Variants in G3BP2 observed in about 807,000 individuals in gnomAD.
G3BP2 encodes the protein ras GTPase-activating protein-binding protein 2.
G3BP2 carries 11 observed loss-of-function variants against 56.7 expected under a neutral mutation model. The observed-to-expected ratio is 0.19, with a 90% confidence interval of 0.12 to 0.32. G3BP2 has a LOEUF of 0.32. Ranked by LOEUF, G3BP2 falls within the 10% of genes least tolerant of loss-of-function variation. The pLI is 1.00. For synonymous variants in G3BP2, 165 were observed against 191.6 expected (o/e 0.86, Z 1.15); for missense variants, 340 against 610.9 (o/e 0.56, Z 4.67).
Position 75,646,648 on chromosome 4 carries a change from C to T in G3BP2, c.1058-192G>A, listed in dbSNP as rs118131857. ...CCCCTAAGATACCAAGTAGCCTGCC[C>T]GCCTGCTGTGTTACCTTTCTGCATC... On this transcript the variant is annotated intron_variant, in intron 10 of 11. Coordinates refer to ENST00000359707, the MANE Select transcript of G3BP2 (RefSeq NM_203505.3). Among the ~76,000 whole-genome samples the T allele has an allele frequency of 1.2e-4, 18 of 152,280 alleles. No individual in the cohort carries two copies. In the East Asian group the frequency reaches 2.9e-3, roughly 24 times the overall value.
At chr4:75,657,415 ACG>A in intron 4 of G3BP2, 140 bp downstream of exon 4, 1 of 613,652 alleles carries the variant, frequency 1.6e-6, no homozygotes, top group Non-Finnish European at 2.9e-6. Context: ...ATGTACACAC[ACG>A]CACTCACTCA....
chr4:75,705,550 A>C (rs1447250896), intron 3 of G3BP2, among the ~76,000 whole-genome samples: 1 of 152,198 alleles, frequency 6.6e-6, no homozygotes, highest in Non-Finnish European at 1.5e-5. Context: ...GAGCCAGAGA[A>C]GAGCACATTC....
In G3BP2 at chr4:75,653,975, T is replaced by C. The variant is rs752824073; in HGVS notation, c.825+8A>G. The C allele has an allele frequency of 1.0e-5, 13 of 1,271,268 alleles. No homozygotes were observed. Among genetic ancestry groups the C allele is most frequent in the Non-Finnish European group, 1.4e-5 (12 of 867,330 alleles). The allele number at this position is 1,271,268 out of a possible 1,614,324, so 78.7% of individuals were successfully genotyped here. ...GGATACAATCCAATGTGTTCACAGATTGGTTACCTGTGAGACTGGTGCTTT... is the reference window on the plus strand; with the variant it reads ...GGATACAATCCAATGTGTTCACAGACTGGTTACCTGTGAGACTGGTGCTTT... On this transcript the variant is annotated splice_region_variant and intron_variant, in intron 8 of 11. Transcript: ENST00000359707.
chr4:75,646,603 C>T (rs186644583), intron 10 of G3BP2, 147 bp from the exon 11 acceptor site: 7 of 626,814 alleles, frequency 1.1e-5, no homozygotes, highest in African/African-American at 7.6e-5. Context: ...AGCCAAGGTA[C>T]GTTTACTCAA....
At chr4:75,705,365 T>C (rs780543621) in intron 3 of G3BP2, among the ~76,000 whole-genome samples, 1 of 152,238 alleles carries the variant, frequency 6.6e-6, no homozygotes, top group Admixed American at 6.5e-5. Flanking sequence ...CAGTAAATCA[T>C]GTTTTACCAT....
At chr4:75,692,853 G>A in intron 3 of G3BP2, among the ~76,000 whole-genome samples, 1 of 152,172 alleles carries the variant, frequency 6.6e-6, no homozygotes, top group East Asian at 1.9e-4. Context: ...AGAGAGCAGG[G>A]GTTGCAAACT....
intron 3 of G3BP2, among the ~76,000 whole-genome samples, chr4:75,702,099 G>T (rs1312002612): frequency 6.6e-6 from 1 of 151,222 alleles, no homozygotes. Flanking sequence ...TTCTTCTAAA[G>T]GCCCTTTTAA....
Position 75,656,997 on chromosome 4 carries a change from T to C in G3BP2, c.369A>G (p.Lys123=), listed in dbSNP as rs762761904. ...GAAACATATCATTGTGAACATAAAATTTATTTGGAACAGATCCCTATAGGA... is the reference window on the plus strand; with the variant it reads ...GAAACATATCATTGTGAACATAAAACTTATTTGGAACAGATCCCTATAGGA... ...VLAPEGSVPN[K]FYVHNDMFRY... is the part of the protein sequence containing the mutation. Residue 123 remains lysine, a synonymous_variant, in exon 5 of 12, where the codon AAA becomes AAG. Coordinates refer to ENST00000359707, the MANE Select transcript of G3BP2 (RefSeq NM_203505.3). The C allele has an allele frequency of 1.0e-5, 15 of 1,477,868 alleles. No homozygotes were observed. Among genetic ancestry groups the C allele is most frequent in the Middle Eastern group, 1.7e-4 (1 of 5,812 alleles). The allele number at this position is 1,477,868 out of a possible 1,614,324, so 91.5% of individuals were successfully genotyped here.
chr4:75,673,688 T>TG, upstream of G3BP2: 8 of 1,149,774 alleles, frequency 7.0e-6, no homozygotes, highest in Non-Finnish European at 8.7e-6. Context: ...GCTCCAGCCT[T>TG]GCCGCCCTTC....
At chr4:75,669,967 G>A (rs918095086) in intron 1 of G3BP2, among the ~76,000 whole-genome samples, 18 of 152,166 alleles carry the variant, frequency 1.2e-4, no homozygotes, top group African/African-American at 1.7e-4. Flanking sequence ...AGTGGCGGGC[G>A]CCTGTAATCC....
chr4:75,692,538 C>T (rs1315239561), intron 3 of G3BP2, among the ~76,000 whole-genome samples: 2 of 152,050 alleles, frequency 1.3e-5, no homozygotes, highest in Non-Finnish European at 2.9e-5. Flanking sequence ...TCTTGAACTC[C>T]TGACCTTGTG....
chr4:75,710,367 C>T (rs1254907446), intron 3 of G3BP2, among the ~76,000 whole-genome samples: 3 of 152,178 alleles, frequency 2.0e-5, no homozygotes, highest in Non-Finnish European at 4.4e-5. Context: ...CCAGAAACAA[C>T]TGGGAAACAC....
chr4:75,658,740 GA>G (rs1230131714), intron 3 of G3BP2, 102 bp downstream of exon 3: 2 of 773,426 alleles, frequency 2.6e-6, no homozygotes, highest in East Asian at 2.5e-5. Flanking sequence ...AAAAAAAAGA[GA>G]AAGAAAGAAA....
intron 3 of G3BP2, among the ~76,000 whole-genome samples, chr4:75,720,796 AAAAT>A (rs150099549): frequency 0.19 from 24,759 of 131,816 alleles, 2,337 homozygotes; most frequent in South Asian, 0.29. Context: ...GCTCCATCTC[AAAAT>A]AAATAAATAA....
chr4:75,674,716 ATATTTT>A (rs1158764970), upstream of G3BP2, among the ~76,000 whole-genome samples: 12 of 53,056 alleles, frequency 2.3e-4, no homozygotes, highest in African/African-American at 8.0e-4. Context: ...ATATATATAT[ATATTTT>A]TTTTTTTTTT....
At chr4:75,701,422 G>A (rs1014687540) in intron 3 of G3BP2, among the ~76,000 whole-genome samples, 10 of 49,902 alleles carry the variant, frequency 2.0e-4, no homozygotes, top group Admixed American at 7.1e-4. Context: ...CACCACACCT[G>A]GCTAATTTTG....
intron 3 of G3BP2, among the ~76,000 whole-genome samples, chr4:75,698,063 C>T (rs879661153): frequency 1.3e-5 from 2 of 152,220 alleles, no homozygotes; most frequent in Admixed American, 1.3e-4. Context: ...CCAAAGGTGT[C>T]CATGTTCTAA....
At chr4:75,720,103 A>G (rs1351528754) in intron 3 of G3BP2, among the ~76,000 whole-genome samples, 1 of 142,094 alleles carries the variant, frequency 7.0e-6, no homozygotes, top group Non-Finnish European at 1.5e-5. Flanking sequence ...TGCAACTTCA[A>G]GCAATTCTCA....
chr4:75,690,550 A>T (rs552070816), intron 3 of G3BP2, among the ~76,000 whole-genome samples: 33 of 152,158 alleles, frequency 2.2e-4, no homozygotes, highest in African/African-American at 7.5e-4. Context: ...AGCAGGACTG[A>T]GGGTTGAAAG....
Sources: allele counts gnomAD v4.1 joint callset (sites outside exome capture counted in the v4.1 genomes callset), GRCh38; gene constraint gnomAD v4.1.1; transcripts MANE v1.5; gene names NCBI Gene and HGNC (gene_info 2026-07-23, HGNC 2026-07-21).